Variants in OSBPL2 observed in about 807,000 individuals in gnomAD.
OSBPL2 encodes oxysterol binding protein like 2, also known as oxysterol-binding protein-related protein 2.
In OSBPL2, 18 loss-of-function variants were observed where a neutral mutation model predicts 58.4. The ratio of observed to expected loss-of-function variants is 0.31; its 90% CI spans 0.21 to 0.46. OSBPL2 has a LOEUF of 0.46. Among genes scored for constraint, OSBPL2 ranks in the 20% least tolerant of loss-of-function variants. OSBPL2 has a pLI of 1.00. For missense variants in OSBPL2, 461 were observed against 616.5 expected (o/e 0.75, Z 2.67); for synonymous variants, 221 against 234.1 (o/e 0.94, Z 0.51).
chr20:62,250,950 TAAAC>T (rs1339635799), intron 1 of OSBPL2, among the ~76,000 whole-genome samples: 22 of 150,240 alleles, frequency 1.5e-4, no homozygotes, highest in African/African-American at 2.2e-4. Flanking sequence ...AATAAATAAA[TAAAC>T]AAGCAAAAGG....
intron 12 of OSBPL2, 55 bp from the exon 13 acceptor site, chr20:62,291,648 G>A (rs1983515605): frequency 7.0e-7 from 1 of 1,432,952 alleles, no homozygotes. Flanking sequence ...ATAGGGGGTG[G>A]CGGGGTGCGG....
At chr20:62,289,629 C>A (rs181930142) in intron 12 of OSBPL2, among the ~76,000 whole-genome samples, 38 of 152,336 alleles carry the variant, frequency 2.5e-4, no homozygotes, top group Non-Finnish European at 4.9e-4. Context: ...CTAGGCCGAG[C>A]GCGGTGGCTC....
At chr20:62,260,257 C>G (rs867151788) in intron 3 of OSBPL2, 132 bp downstream of exon 3, 7 of 802,308 alleles carry the variant, frequency 8.7e-6, no homozygotes, top group Non-Finnish European at 1.4e-5. Flanking sequence ...CCTCCCCATC[C>G]GGACAGCCTC....
rs116009851 is a variant in OSBPL2 at position 62,250,472 on chromosome 20, C to T, written c.-128-5585C>T. 4.1e-3 allele frequency among the ~76,000 whole-genome samples: 621 copies of T among 152,300 alleles called. 2 individuals carry two copies. The highest frequency in any genetic ancestry group is 0.014 in the African/African-American group (583 of 41,560). ...GGTCTTCAGTCTTGGTTGGACCACA[C>T]GGCACAAACACACAGTAGCAGGCGA... On this transcript the variant is annotated intron_variant, in intron 1 of 13. Coordinates refer to ENST00000313733, the MANE Select transcript of OSBPL2 (RefSeq NM_144498.4).
intron 7 of OSBPL2, 41 bp from the exon 8 acceptor site, chr20:62,281,017 T>C: frequency 6.6e-7 from 1 of 1,524,604 alleles, no homozygotes; most frequent in East Asian, 2.3e-5. Flanking sequence ...GTGTCTTGGC[T>C]TTTCTGGACT....
intron 10 of OSBPL2, chr20:62,285,662 C>A (rs1983065471): frequency 6.6e-6 from 1 of 152,524 alleles, no homozygotes; most frequent in Non-Finnish European, 1.5e-5. Context: ...AATGAACCTG[C>A]TGTTTGGAAG....
chr20:62,241,456 T>C (rs1017524042), intron 1 of OSBPL2, among the ~76,000 whole-genome samples: 1 of 152,270 alleles, frequency 6.6e-6, no homozygotes, highest in Non-Finnish European at 1.5e-5. Context: ...AAGGGAATTG[T>C]TGACACATTT....
At chr20:62,279,759 G>C (rs141899253) in intron 7 of OSBPL2, among the ~76,000 whole-genome samples, 3 of 152,396 alleles carry the variant, frequency 2.0e-5, no homozygotes, top group Non-Finnish European at 4.4e-5. Context: ...CGGTGGCAAT[G>C]AGGGTTGGGT....
At chr20:62,261,241 G>A (rs1044543821) in intron 3 of OSBPL2, among the ~76,000 whole-genome samples, 8 of 151,306 alleles carry the variant, frequency 5.3e-5, no homozygotes, top group African/African-American at 9.7e-5. Context: ...ACTTGAACCC[G>A]GGAGGCAGAG....
chr20:62,290,981 AC>A (rs35003916), intron 12 of OSBPL2, among the ~76,000 whole-genome samples: 1 of 151,088 alleles, frequency 6.6e-6, no homozygotes, highest in Non-Finnish European at 1.5e-5. Context: ...CAGGTGATCC[AC>A]CCGCCTTGGC....
At chr20:62,255,047 A>T (rs1383734564) in intron 1 of OSBPL2, 1 of 151,354 alleles carries the variant, frequency 6.6e-6, no homozygotes, top group Non-Finnish European at 1.5e-5. Context: ...TGAACCTCGG[A>T]TGCTGAACAC....
intron 3 of OSBPL2, among the ~76,000 whole-genome samples, chr20:62,263,184 C>T (rs1161165900): frequency 2.6e-5 from 4 of 152,300 alleles, no homozygotes; most frequent in Middle Eastern, 6.8e-3. Context: ...AAAGCAAGCA[C>T]GTGTTTAAAG....
Position 62,286,685 on chromosome 20 carries a change from A to G in OSBPL2, c.1099A>G (p.Asn367Asp), listed in dbSNP as rs2145974518. ...TGGCAGCAAGCTGCTCTGGAGGATCAACACCCGGCCCCCCAACTCTGCCCA... is the reference window on the plus strand; with the variant it reads ...TGGCAGCAAGCTGCTCTGGAGGATCGACACCCGGCCCCCCAACTCTGCCCA... ...IPGSKLLWRI[N>D]TRPPNSAQMY... The change falls in exon 11 of 14, where the codon AAC (asparagine) becomes GAC (aspartate). Residue 367 changes from asparagine (N) to aspartate (D), a missense_variant. Asn to Asp is a conservative substitution (Grantham distance 23). Around this residue, in one of 5 missense-constraint regions of OSBPL2, gnomAD observed 319 missense variants for 419.2 expected, o/e 0.76. Transcript: ENST00000313733. 6.2e-7 allele frequency: 1 copy of G among 1,613,186 alleles called. No homozygotes were observed. Among genetic ancestry groups the G allele is most frequent in the Non-Finnish European group, 8.5e-7 (1 of 1,179,558 alleles).
At chr20:62,290,420 T>TTG (rs1555854407) in intron 12 of OSBPL2, among the ~76,000 whole-genome samples, 2 of 136,006 alleles carry the variant, frequency 1.5e-5, no homozygotes, top group Non-Finnish European at 3.2e-5. Context: ...GGTTTTTTTT[T>TTG]TTTTTTTTTT....
chr20:62,289,262 A>T lies in OSBPL2; in HGVS notation c.1181A>T (p.Glu394Val). ...VSLNELETGMEKTLPPTDCRL... is the reference protein window; with the variant it reads ...VSLNELETGMVKTLPPTDCRL... ...CTCAACGAGCTGGAGACAGGCATGG[A>T]GAAGACCCTGCCACCCACGGACTGC... The change falls in exon 12 of 14, where the codon GAG (glutamate) becomes GTG (valine). Residue 394 changes from glutamate (E) to valine (V), a missense_variant. Glu to Val is a moderately radical substitution (Grantham distance 121, BLOSUM62 -2). This residue lies in a region of OSBPL2 where 319 missense variants were observed against 419.2 expected (regional missense o/e 0.76). Transcript: ENST00000313733. 6.2e-7 allele frequency: 1 copy of T among 1,613,710 alleles called. No homozygotes were observed. Among genetic ancestry groups the T allele is most frequent in the Non-Finnish European group, 8.5e-7 (1 of 1,179,756 alleles).
rs1352455152 is a variant in OSBPL2 at position 62,288,757 on chromosome 20, T to G, written c.1126-450T>G. 6.6e-6 allele frequency among the ~76,000 whole-genome samples: 1 copy of G among 152,090 alleles called. No homozygotes were observed. Among genetic ancestry groups the G allele is most frequent in the Non-Finnish European group, 1.5e-5 (1 of 67,996 alleles). Reference sequence around the variant, plus strand: ...TGTCATACCCTAAGCATTCCAGTTGTTAATGTGACAAATTAACTTGCTCCA... The same window carrying G: ...TGTCATACCCTAAGCATTCCAGTTGGTAATGTGACAAATTAACTTGCTCCA... On this transcript the variant is annotated intron_variant, in intron 11 of 13. Coordinates refer to ENST00000313733, the MANE Select transcript of OSBPL2 (RefSeq NM_144498.4). The surrounding 1 kb of genome is among the most constrained non-coding windows in gnomAD (Gnocchi z 4.8).
rs900101579 is a variant in OSBPL2, at chr20:62,268,498, A to T, written c.259-3627A>T. Among the ~76,000 whole-genome samples, 3 of 151,880 alleles carry T rather than the reference A, an allele frequency of 2.0e-5. No homozygotes were observed. In the East Asian group the frequency reaches 5.8e-4, roughly 29 times the overall value. ...CTGATTCTACATGTATCTTCTCCCC[A>T]CTTCTCCCCACTTCTTTACATAAAT... On this transcript the variant is annotated intron_variant, in intron 4 of 13. Transcript: ENST00000313733.
chr20:62,244,512 C>T (rs564515828), intron 1 of OSBPL2, among the ~76,000 whole-genome samples: 2 of 152,304 alleles, frequency 1.3e-5, no homozygotes, highest in East Asian at 3.9e-4. Flanking sequence ...TCTCGTGGGC[C>T]GCATTGGAAC....
At chr20:62,271,863 T>A (rs118162867) in intron 4 of OSBPL2, 2 of 419,888 alleles carry the variant, frequency 4.8e-6, no homozygotes, top group East Asian at 8.7e-5. Flanking sequence ...GGCGGTGGGC[T>A]GGGGAGGCAG....
Sources: allele counts gnomAD v4.1 joint callset (sites outside exome capture counted in the v4.1 genomes callset), GRCh38; gene constraint gnomAD v4.1.1; regional missense constraint gnomAD v4.1.1; non-coding constraint Gnocchi (gnomAD v3.1); transcripts MANE v1.5; gene names NCBI Gene and HGNC (gene_info 2026-07-23, HGNC 2026-07-21).